The following TASP1 variants were observed in gnomAD, a reference collection of about 807,000 sequenced individuals.
The protein encoded by TASP1 is taspase 1.
A neutral mutation model predicts 56.6 loss-of-function variants in TASP1; 16 were observed. The ratio of observed to expected loss-of-function variants is 0.28; its 90% CI spans 0.19 to 0.43. The LOEUF is 0.43. Ranked by LOEUF, TASP1 falls within the 20% of genes least tolerant of loss-of-function variation. TASP1 has a pLI of 1.00. For synonymous variants in TASP1, 179 were observed against 184.2 expected, an observed-to-expected ratio of 0.97 and a Z score of 0.23; for missense variants, 393 against 511.6, an observed-to-expected ratio of 0.77 and a Z score of 2.24.
chr20:13,271,402 T>G, the TASP1 span, among the ~76,000 whole-genome samples: 13 of 152,034 alleles, frequency 8.6e-5, no homozygotes, highest in African/African-American at 2.9e-4. Context: ...GTGACTGGGG[T>G]TAAAAATAAT....
chr20:13,182,392 A>G, the TASP1 span, among the ~76,000 whole-genome samples: 1 of 152,126 alleles, frequency 6.6e-6, no homozygotes, highest in Admixed American at 6.5e-5. Flanking sequence ...CTGCTGTCAC[A>G]TATTTCATCA....
intron 11 of TASP1, among the ~76,000 whole-genome samples, chr20:13,470,229 A>G (rs997623338): frequency 6.6e-6 from 1 of 152,118 alleles, no homozygotes; most frequent in African/African-American, 2.4e-5. Context: ...CTTGTTTTAA[A>G]TGAATTATTT....
intron 10 of TASP1, among the ~76,000 whole-genome samples, chr20:13,486,307 C>A (rs1044596946): frequency 2.6e-5 from 4 of 152,086 alleles, no homozygotes; most frequent in Non-Finnish European, 5.9e-5. Context: ...TATGTTCTCA[C>A]ATCTTAGCAG....
At chr20:13,260,005 A>C in the TASP1 span, among the ~76,000 whole-genome samples, 2 of 152,258 alleles carry the variant, frequency 1.3e-5, no homozygotes, top group African/African-American at 4.8e-5. Flanking sequence ...TAGAGCTAAC[A>C]GCCCAGCTTC....
At chr20:13,456,092 A>T (rs998133471) in intron 11 of TASP1, among the ~76,000 whole-genome samples, 1 of 152,166 alleles carries the variant, frequency 6.6e-6, no homozygotes, top group Non-Finnish European at 1.5e-5. Flanking sequence ...AATAGGATCC[A>T]GAAGACAAAG....
intron 11 of TASP1, among the ~76,000 whole-genome samples, chr20:13,435,640 A>G (rs1413315576): frequency 6.6e-6 from 1 of 152,186 alleles, no homozygotes; most frequent in Non-Finnish European, 1.5e-5. Context: ...TCGCACAAAT[A>G]AGGGTGAAAC....
At chr20:13,240,784 G>A in the TASP1 span, among the ~76,000 whole-genome samples, 16 of 152,178 alleles carry the variant, frequency 1.1e-4, no homozygotes, top group Admixed American at 2.6e-4. Context: ...ATGGATGCAA[G>A]GCACAGTTCT....
At chr20:13,440,783 G>C (rs190941243) in intron 11 of TASP1, among the ~76,000 whole-genome samples, 197 of 152,160 alleles carry the variant, frequency 1.3e-3, no homozygotes, top group African/African-American at 4.5e-3. Context: ...TGAAGAACCT[G>C]AGTTTCAGAG....
chr20:13,204,840 A>C, the TASP1 span, among the ~76,000 whole-genome samples: 1 of 152,178 alleles, frequency 6.6e-6, no homozygotes, highest in Non-Finnish European at 1.5e-5. Flanking sequence ...GGCCACGTGC[A>C]CCAGCCCCTT....
chr20:13,612,548 C>T (rs745547775), intron 4 of TASP1, among the ~76,000 whole-genome samples: 1 of 151,032 alleles, frequency 6.6e-6, no homozygotes, highest in Non-Finnish European at 1.5e-5. Context: ...CACAGAAGCG[C>T]ATGGGAGGTG....
At chr20:13,420,751 T>C (rs569695101) in intron 12 of TASP1, among the ~76,000 whole-genome samples, 219 of 152,210 alleles carry the variant, frequency 1.4e-3, no homozygotes, top group Non-Finnish European at 2.4e-3. Context: ...AAAGCAGAAA[T>C]GGGGAACCTG....
the TASP1 span, among the ~76,000 whole-genome samples, chr20:13,205,933 A>G: frequency 6.6e-6 from 1 of 152,192 alleles, no homozygotes; most frequent in Admixed American, 6.5e-5. Flanking sequence ...GAAGGAAATC[A>G]GAGTATTTAC....
chr20:13,221,903 G>A, the TASP1 span: 1 of 1,372,942 alleles, frequency 7.3e-7, no homozygotes, highest in South Asian at 1.7e-5. Context: ...CGCCAGCCAA[G>A]CCCAGCTGCA....
intron 10 of TASP1, among the ~76,000 whole-genome samples, chr20:13,498,033 T>C (rs2043794481): frequency 6.6e-6 from 1 of 151,870 alleles, no homozygotes; most frequent in African/African-American, 2.4e-5. Context: ...ACCTAGGAAA[T>C]ACCATCCTGG....
the TASP1 span, among the ~76,000 whole-genome samples, chr20:13,314,310 ACCCC>A: frequency 6.6e-6 from 1 of 152,002 alleles, no homozygotes; most frequent in African/African-American, 2.4e-5. Flanking sequence ...AAAAAGAAAA[ACCCC>A]TACACCTAGG....
chr20:13,635,972 G>A (rs922278821), intron 1 of TASP1, among the ~76,000 whole-genome samples: 2 of 151,774 alleles, frequency 1.3e-5, no homozygotes, highest in Admixed American at 1.3e-4. Flanking sequence ...AAACTACCAC[G>A]TCCTGTTGCT....
chr20:13,162,934 ACT>A, the TASP1 span, among the ~76,000 whole-genome samples: 2 of 151,300 alleles, frequency 1.3e-5, no homozygotes, highest in African/African-American at 4.9e-5. Context: ...AAGAAACCTA[ACT>A]CTGAGCACGA....
the TASP1 span, among the ~76,000 whole-genome samples, chr20:13,354,351 G>C: frequency 6.6e-6 from 1 of 152,134 alleles, no homozygotes; most frequent in African/African-American, 2.4e-5. Context: ...AGTCCACCAA[G>C]TGACCCCCAC....
At chr20:13,440,995 C>G (rs375137286) in intron 11 of TASP1, among the ~76,000 whole-genome samples, 1 of 152,184 alleles carries the variant, frequency 6.6e-6, no homozygotes, top group Non-Finnish European at 1.5e-5. Flanking sequence ...TACAACTGTT[C>G]CTTTTACCAC....
Sources: gnomAD v4.1 joint callset for allele counts (sites outside exome capture counted in the v4.1 genomes callset) on GRCh38, gnomAD v4.1.1 for gene constraint, MANE v1.5 for transcripts, NCBI Gene and HGNC (gene_info 2026-07-23, HGNC 2026-07-21) for gene names.